The following AZIN2 variants were observed in gnomAD, a reference collection of about 807,000 sequenced individuals.
AZIN2 encodes the protein antizyme inhibitor 2.
In AZIN2, 28 loss-of-function variants were observed where a neutral mutation model predicts 47.8. The observed-to-expected ratio is 0.59, with a 90% CI of 0.43 to 0.80. The LOEUF is 0.80. Among genes scored for constraint, AZIN2 ranks in the 30% least tolerant of loss-of-function variants. The pLI is 0.00. For missense variants in AZIN2, 535 were observed against 582.5 expected (o/e 0.92, Z 0.84); for synonymous variants, 221 against 239.4 (o/e 0.92, Z 0.71).
At chr1:33,159,727 C>T in the AZIN2 span, 299 of 1,611,678 alleles carry the variant, frequency 1.9e-4, no homozygotes, top group Non-Finnish European at 2.3e-4. This position sits in a 1 kb window ranked among gnomAD's most constrained non-coding sequence, Gnocchi z 4.2. Flanking sequence ...GAAGGTGTGC[C>T]GGTCGGTTTC....
At chr1:33,114,996 G>A (rs1329554478) in intron 10 of AZIN2, among the ~76,000 whole-genome samples, 3 of 152,076 alleles carry the variant, frequency 2.0e-5, no homozygotes, top group African/African-American at 4.8e-5. Context: ...CATCAAGGCC[G>A]TGCACCTTTT....
chr1:33,138,012 G>A, the AZIN2 span, among the ~76,000 whole-genome samples: 5 of 152,146 alleles, frequency 3.3e-5, no homozygotes, highest in East Asian at 1.9e-4. Context: ...GGTAGGTGGC[G>A]CCGGAGAAGT....
At chr1:33,109,324 T>C (rs999607110) in intron 10 of AZIN2, among the ~76,000 whole-genome samples, 2 of 151,990 alleles carry the variant, frequency 1.3e-5, no homozygotes, top group Admixed American at 1.3e-4. Flanking sequence ...ACATTTTCTT[T>C]TTCTTTTTTT....
chr1:33,124,537 A>G (rs551619960), downstream of AZIN2, among the ~76,000 whole-genome samples: 1 of 152,018 alleles, frequency 6.6e-6, no homozygotes, highest in African/African-American at 2.4e-5. The surrounding 1 kb of genome is among the most constrained non-coding windows in gnomAD (Gnocchi z 4.6). Context: ...TTTTTTTATT[A>G]TACTTTAAGT....
At chr1:33,089,416 A>C (rs546968325) in intron 5 of AZIN2, among the ~76,000 whole-genome samples, 17 of 152,288 alleles carry the variant, frequency 1.1e-4, no homozygotes, top group African/African-American at 3.6e-4. Flanking sequence ...TGGGCAATGT[A>C]GTGAGACCCT....
intron 10 of AZIN2, among the ~76,000 whole-genome samples, chr1:33,107,113 C>T (rs1333968633): frequency 6.6e-6 from 1 of 151,088 alleles, no homozygotes; most frequent in Non-Finnish European, 1.5e-5. Flanking sequence ...GTGGTGAAAC[C>T]CTGTCTACTA....
At chr1:33,155,580 TG>T in the AZIN2 span, among the ~76,000 whole-genome samples, 1 of 152,182 alleles carries the variant, frequency 6.6e-6, no homozygotes, top group African/African-American at 2.4e-5. Context: ...GCACAGGCTC[TG>T]GGGCCCGACG....
the AZIN2 span, among the ~76,000 whole-genome samples, chr1:33,132,585 T>C: frequency 6.6e-6 from 1 of 152,216 alleles, no homozygotes. Context: ...CTAACCTTCC[T>C]CTCCTGACTG....
Position 33,098,198 on chromosome 1 carries a change from G to T in AZIN2, c.1029+19G>T, listed in dbSNP as rs112491620. The stretch of plus-strand genomic sequence containing the variant: ...GCAGAAGGTGAGCTTACCCCACGTG[G>T]GCCTGTTTTCAGTTGTGTGTGTGTA... On this transcript the variant is annotated intron_variant, in intron 10 of 11. Coordinates refer to ENST00000294517, the MANE Select transcript of AZIN2 (RefSeq NM_052998.4). 1 of 1,563,998 alleles carries T rather than the reference G, an allele frequency of 6.4e-7. No homozygotes were observed. Among genetic ancestry groups the T allele is most frequent in the Non-Finnish European group, 8.7e-7 (1 of 1,144,342 alleles).
At chr1:33,148,216 C>T in the AZIN2 span, among the ~76,000 whole-genome samples, 2 of 152,160 alleles carry the variant, frequency 1.3e-5, no homozygotes, top group African/African-American at 4.8e-5. Flanking sequence ...GGAAGTTCTG[C>T]CCCACACCTT....
chr1:33,143,237 C>T, the AZIN2 span: 5 of 152,144 alleles, frequency 3.3e-5, no homozygotes, highest in Non-Finnish European at 7.3e-5. Context: ...CAAATTTGGC[C>T]TCTATAGTTA....
At chr1:33,126,690 C>T (rs1160396031), downstream of AZIN2, among the ~76,000 whole-genome samples, 1 of 152,014 alleles carries the variant, frequency 6.6e-6, no homozygotes, top group African/African-American at 2.4e-5. Context: ...CTAGTGAGCC[C>T]CAGGCAGGGA....
intron 10 of AZIN2, among the ~76,000 whole-genome samples, chr1:33,107,370 A>G (rs544428883): frequency 3.3e-5 from 5 of 152,280 alleles, no homozygotes; most frequent in Admixed American, 6.5e-5. Flanking sequence ...ACTTAAGGTC[A>G]GGAGTTCGAG....
the AZIN2 span, among the ~76,000 whole-genome samples, chr1:33,134,035 C>G: frequency 6.6e-6 from 1 of 152,208 alleles, no homozygotes; most frequent in African/African-American, 2.4e-5. Context: ...GAGGCTAAAA[C>G]GTTTATAAGG....
chr1:33,158,943 CA>C, the AZIN2 span, among the ~76,000 whole-genome samples: 10 of 152,056 alleles, frequency 6.6e-5, no homozygotes, highest in Admixed American at 2.0e-4. Context: ...TGGGTTCAAG[CA>C]ATTCTCCTGC....
chr1:33,161,067 T>G, the AZIN2 span, among the ~76,000 whole-genome samples: 3 of 152,270 alleles, frequency 2.0e-5, no homozygotes, highest in Non-Finnish European at 4.4e-5. This position sits in a 1 kb window ranked among gnomAD's most constrained non-coding sequence, Gnocchi z 4.3. Context: ...CTGTGAACCT[T>G]AGTTTTCTTA....
rs907243565 is a variant in AZIN2, at chr1:33,113,920, G to A, written c.1030-3982G>A. Among the ~76,000 whole-genome samples the A allele has an allele frequency of 1.3e-5, 2 of 152,106 alleles. No individual in the cohort carries two copies. The highest frequency in any genetic ancestry group is 2.9e-5 in the Non-Finnish European group (2 of 68,026). ...TGAACTGTAGATCTATATTTTCCAT[G>A]TTATGAAGCCAGTGATTGACTTCTC... is the stretch of plus-strand genomic sequence containing the variant. On this transcript the variant is annotated intron_variant, in intron 10 of 11. Coordinates refer to ENST00000294517, the MANE Select transcript of AZIN2 (RefSeq NM_052998.4). The surrounding 1 kb of genome is among the most constrained non-coding windows in gnomAD (Gnocchi z 4.1).
At chr1:33,155,521 G>A in the AZIN2 span, among the ~76,000 whole-genome samples, 1 of 152,068 alleles carries the variant, frequency 6.6e-6, no homozygotes, top group Non-Finnish European at 1.5e-5. Context: ...CTCCTTCCTG[G>A]TGTGTGTGAG....
the AZIN2 span, among the ~76,000 whole-genome samples, chr1:33,137,218 A>T: frequency 6.6e-6 from 1 of 152,166 alleles, no homozygotes; most frequent in African/African-American, 2.4e-5. Context: ...CTGGAGGCTA[A>T]TAAGGAGCAC....
Sources: allele counts gnomAD v4.1 joint callset (sites outside exome capture counted in the v4.1 genomes callset), GRCh38; gene constraint gnomAD v4.1.1; non-coding constraint Gnocchi (gnomAD v3.1); transcripts MANE v1.5; gene names NCBI Gene and HGNC (gene_info 2026-07-23, HGNC 2026-07-21).